The following CCDC80 variants were observed in gnomAD, a reference collection of about 807,000 sequenced individuals.
CCDC80 encodes coiled-coil domain containing 80.
In CCDC80, 49 loss-of-function variants were observed where a neutral mutation model predicts 78.7. The observed-to-expected ratio is 0.62, with a 90% CI of 0.50 to 0.79. The LOEUF (loss-of-function observed/expected upper bound fraction) is 0.79, where lower values mean the gene tolerates loss of function less well. CCDC80 is among the 30% of genes least tolerant of loss of function. CCDC80 has a pLI of 0.00. For missense variants in CCDC80, 1,205 were observed against 1,198.6 expected, an observed-to-expected ratio of 1.01 and a Z score of -0.08; for synonymous variants, 488 against 447.0, an observed-to-expected ratio of 1.09 and a Z score of -1.16.
chr3:112,621,517 C>T (rs539404007), intron 3 of CCDC80, among the ~76,000 whole-genome samples: 9 of 152,320 alleles, frequency 5.9e-5, no homozygotes, highest in African/African-American at 2.2e-4. Context: ...AAACTTGTCA[C>T]TAAATGAATG....
intron 2 of CCDC80, among the ~76,000 whole-genome samples, chr3:112,637,498 C>T (rs1034309877): frequency 1.3e-5 from 2 of 152,168 alleles, no homozygotes; most frequent in Non-Finnish European, 2.9e-5. Context: ...TTGGAGCACT[C>T]CAATGTTGAT....
In CCDC80 at chr3:112,601,588, T is replaced by C. The variant is rs1260216714; in HGVS notation, c.*3829A>G. ...TCCCAGCTAACTTGGGATGCTGAGG[T>C]GGGAGGATTGTTTGAGGGAAGCTGA... On this transcript the variant is annotated 3_prime_UTR_variant, in exon 8 of 8. Coordinates refer to ENST00000206423, the MANE Select transcript of CCDC80 (RefSeq NM_199511.3). 1 of 149,732 alleles carries C rather than the reference T, an allele frequency of 6.7e-6. No individual in the cohort carries two copies. Among genetic ancestry groups the C allele is most frequent in the East Asian group, 2.0e-4 (1 of 5,114 alleles). 9.3% of individuals were successfully genotyped at this position (149,732 alleles called of 1,614,324 possible). A position where few individuals can be genotyped will look rare whatever the true frequency, so the allele number is the denominator to read the frequency against.
intron 7 of CCDC80, among the ~76,000 whole-genome samples, chr3:112,606,913 A>G (rs1935524143): frequency 2.0e-5 from 3 of 152,206 alleles, no homozygotes; most frequent in Non-Finnish European, 4.4e-5. Flanking sequence ...CCCAAAAAGC[A>G]TTATTTTAGT....
intron 2 of CCDC80, among the ~76,000 whole-genome samples, chr3:112,635,688 C>G (rs1407186005): frequency 1.3e-5 from 2 of 152,194 alleles, no homozygotes; most frequent in African/African-American, 4.8e-5. Context: ...GTCTGAAAAG[C>G]CTTCTGTTAG....
intron 3 of CCDC80, among the ~76,000 whole-genome samples, chr3:112,626,051 A>G (rs1013496671): frequency 6.6e-6 from 1 of 152,274 alleles, no homozygotes; most frequent in African/African-American, 2.4e-5. Flanking sequence ...TACATTCTTC[A>G]AACACTTGTT....
intron 5 of CCDC80, among the ~76,000 whole-genome samples, chr3:112,611,058 C>T (rs548052492): frequency 9.9e-5 from 15 of 151,816 alleles, no homozygotes; most frequent in East Asian, 1.9e-4. Context: ...GGACTACAGG[C>T]GCGTGCCACC....
intron 3 of CCDC80, among the ~76,000 whole-genome samples, chr3:112,626,093 C>G (rs371469187): frequency 5.3e-5 from 8 of 152,140 alleles, no homozygotes; most frequent in African/African-American, 1.9e-4. Flanking sequence ...CACTTTTCCC[C>G]CTTGGAATGT....
chr3:112,608,327 A>C (rs938904820), intron 6 of CCDC80, among the ~76,000 whole-genome samples: 1 of 152,208 alleles, frequency 6.6e-6, no homozygotes, highest in Non-Finnish European at 1.5e-5. Context: ...GAGAAGCTAA[A>C]ATCTAGGCAA....
chr3:112,630,478 C>G (rs1307608082), intron 2 of CCDC80, among the ~76,000 whole-genome samples: 3 of 152,166 alleles, frequency 2.0e-5, no homozygotes, highest in Non-Finnish European at 2.9e-5. Flanking sequence ...GTTTTCTACT[C>G]ACTTCCATTA....
At chr3:112,614,726 G>C (rs1935698491) in intron 5 of CCDC80, among the ~76,000 whole-genome samples, 1 of 152,120 alleles carries the variant, frequency 6.6e-6, no homozygotes, top group African/African-American at 2.4e-5. Flanking sequence ...ATCTTCCTTT[G>C]CTTCAAATTC....
chr3:112,617,761 A>T lies in CCDC80; in HGVS notation c.2173-903T>A, dbSNP rs960215110. Among the ~76,000 whole-genome samples the T allele has an allele frequency of 7.9e-4, 120 of 152,342 alleles. 2 individuals carry two copies. The highest frequency in any genetic ancestry group is 2.7e-3 in the African/African-American group (114 of 41,582). The stretch of plus-strand genomic sequence containing the variant: ...GTATATGAATGACTTTTTCATGAAC[A>T]TTTTTTGTGTTCCCCATTTCACATG... On this transcript the variant is annotated intron_variant, in intron 4 of 7. Coordinates refer to ENST00000206423, the MANE Select transcript of CCDC80 (RefSeq NM_199511.3).
At position 112,639,063 on chromosome 3, in the gene CCDC80, A is replaced by C. The variant is rs374944667; in HGVS notation, c.843T>G (p.Cys281Trp). The C allele has an allele frequency of 6.2e-7, 1 of 1,612,816 alleles. No homozygotes were observed. The highest frequency in any genetic ancestry group is 8.5e-7 in the Non-Finnish European group (1 of 1,179,978). ...CCTGGCCCTCTACACCAGAGGCCTT[A>C]CATTTCTGGACAAAGCCCTTCTGCC... is the stretch of plus-strand genomic sequence containing the variant. ...KIRQKGFVQK[C>W]KASGVEGQVV... The change falls in exon 2 of 8, where the codon TGT (cysteine) becomes TGG (tryptophan). Residue 281 changes from cysteine (C) to tryptophan (W), a missense_variant. Cys to Trp is a radical substitution (Grantham distance 215). Transcript: ENST00000206423.
chr3:112,630,037 AT>A, intron 3 of CCDC80, 75 bp downstream of exon 3: 1 of 1,384,354 alleles, frequency 7.2e-7, no homozygotes, highest in Non-Finnish European at 1.0e-6. Flanking sequence ...TGGATCCCCC[AT>A]GTACCTCTAC....
chr3:112,613,321 G>A (rs868692615), intron 5 of CCDC80, among the ~76,000 whole-genome samples: 2 of 151,960 alleles, frequency 1.3e-5, no homozygotes, highest in South Asian at 2.1e-4. Flanking sequence ...CACCGCTATG[G>A]GACATCCAAA....
chr3:112,605,826 A>G (rs1051125113), intron 7 of CCDC80, 63 bp from the exon 8 acceptor site: 3 of 1,354,698 alleles, frequency 2.2e-6, no homozygotes, highest in South Asian at 1.4e-5. Context: ...TGAAAACATT[A>G]AAGTGTGAGG....
rs1172198256 is a variant in CCDC80, at chr3:112,597,071, A to C, written c.*8346T>G. 1 of 152,144 alleles carries C rather than the reference A, an allele frequency of 6.6e-6. No homozygotes were observed. Among genetic ancestry groups the C allele is most frequent in the Non-Finnish European group, 1.5e-5 (1 of 68,024 alleles). 9.4% of individuals were successfully genotyped at this position (152,144 alleles called of 1,614,324 possible). A position where few individuals can be genotyped will look rare whatever the true frequency, so the allele number is the denominator to read the frequency against. ...TAATGTATTAGGCCAGTTGGAAACC[A>C]TCATTAAAGAAACTGACCCTGGTGA... is the stretch of plus-strand genomic sequence containing the variant. On this transcript the variant is annotated 3_prime_UTR_variant, in exon 8 of 8. Coordinates refer to ENST00000206423, the MANE Select transcript of CCDC80 (RefSeq NM_199511.3).
In CCDC80 at chr3:112,603,578, A is replaced by G. The variant is rs940532978; in HGVS notation, c.*1839T>C. On this transcript the variant is annotated 3_prime_UTR_variant, in exon 8 of 8. Coordinates refer to ENST00000206423, the MANE Select transcript of CCDC80 (RefSeq NM_199511.3). ...TTATATATGTATATAAAATATATAT[A>G]TAAATGATCAGTTCCAGACCACTAT... 4.1e-5 allele frequency: 6 copies of G among 147,136 alleles called. No homozygotes were observed. The highest frequency in any genetic ancestry group is 7.5e-5 in the Non-Finnish European group (5 of 66,972). The allele number at this position is 147,136 out of a possible 1,614,324, so 9.1% of individuals were successfully genotyped here.
chr3:112,638,161 TTC>T lies in CCDC80; in HGVS notation c.1743_1744del (p.Lys582GlufsTer8). The T allele has an allele frequency of 1.2e-6, 2 of 1,614,100 alleles. No homozygotes were observed. The highest frequency in any genetic ancestry group is 1.7e-6 in the Non-Finnish European group (2 of 1,179,922). ...TTTACCTCCTTTTTTCTTCTTGCTC[TTC>T]TCTTTCTCTTGCTTGCTCTTTTTCT... On this transcript the variant is annotated frameshift_variant, in exon 2 of 8. Coordinates refer to ENST00000206423, the MANE Select transcript of CCDC80 (RefSeq NM_199511.3). LOFTEE classifies it high-confidence loss of function.
chr3:112,640,087 T>G lies in CCDC80; in HGVS notation c.-11-171A>C, dbSNP rs142478275. The G allele has an allele frequency of 9.7e-6, 7 of 718,106 alleles. No homozygotes were observed. In the Admixed American group the frequency reaches 3.1e-4, roughly 32 times the overall value. The allele number at this position is 718,106 out of a possible 1,614,324, so 44.5% of individuals were successfully genotyped here. A position where few individuals can be genotyped will look rare whatever the true frequency, so the allele number is the denominator to read the frequency against. On this transcript the variant is annotated intron_variant, in intron 1 of 7. Transcript: ENST00000206423. The stretch of plus-strand genomic sequence containing the variant: ...TCAGGAGATGGAAAATGGGATGAGA[T>G]CCTGTTACTTTCAATCCCCTATAAT...
Sources: gnomAD v4.1 joint callset for allele counts (sites outside exome capture counted in the v4.1 genomes callset) on GRCh38, gnomAD v4.1.1 for gene constraint, MANE v1.5 for transcripts, NCBI Gene and HGNC (gene_info 2026-07-23, HGNC 2026-07-21) for gene names.